Variants in SNTB1 observed in about 807,000 individuals in gnomAD.
SNTB1 encodes the protein beta-1-syntrophin.
In SNTB1, 36 loss-of-function variants were observed where a neutral mutation model predicts 48.9. That is an observed-to-expected ratio of 0.74 (90% CI 0.56 to 0.97). The LOEUF (loss-of-function observed/expected upper bound fraction) is 0.97. SNTB1 is among the 50% of genes least tolerant of loss of function. SNTB1 has a pLI of 0.00. For missense variants in SNTB1, 786 were observed against 703.4 expected (o/e 1.12, Z -1.33); for synonymous variants, 299 against 294.6 (o/e 1.01, Z -0.15).
At position 120,536,249 on chromosome 8, in the gene SNTB1, A is replaced by C. The variant is rs1815201349; in HGVS notation, c.*2628T>G. The C allele has an allele frequency of 6.6e-6, 1 of 152,230 alleles. No individual in the cohort carries two copies. The highest frequency in any genetic ancestry group is 2.4e-5 in the African/African-American group (1 of 41,468). 9.4% of individuals were successfully genotyped at this position (152,230 alleles called of 1,614,324 possible). On this transcript the variant is annotated 3_prime_UTR_variant, in exon 7 of 7. Transcript: ENST00000517992. ...TCTACTGACAAATAGGCAACTTCCC[A>C]TAAAGTACAGATTAAAACATCATTC...
At chr8:120,588,806 C>G (rs536590747) in intron 3 of SNTB1, among the ~76,000 whole-genome samples, 1 of 152,138 alleles carries the variant, frequency 6.6e-6, no homozygotes, top group African/African-American at 2.4e-5. Context: ...GAATGAGTGG[C>G]GCTGCCAGTT....
chr8:120,714,180 A>C (rs890579541), intron 1 of SNTB1, among the ~76,000 whole-genome samples: 2 of 152,336 alleles, frequency 1.3e-5, no homozygotes, highest in African/African-American at 4.8e-5. Flanking sequence ...ACAGACACCA[A>C]GAGTGCCTTC....
intron 3 of SNTB1, among the ~76,000 whole-genome samples, chr8:120,602,772 T>C (rs1005192879): frequency 4.0e-5 from 6 of 151,162 alleles, no homozygotes; most frequent in Non-Finnish European, 8.8e-5. Context: ...TTGCAATCTA[T>C]TAAATTAATT....
intron 1 of SNTB1, among the ~76,000 whole-genome samples, chr8:120,743,923 G>A (rs1215589344): frequency 6.6e-6 from 1 of 152,198 alleles, no homozygotes; most frequent in Non-Finnish European, 1.5e-5. Flanking sequence ...GAAGCCAGGA[G>A]TTCAAGACCA....
At chr8:120,544,817 T>G (rs115062625) in intron 5 of SNTB1, among the ~76,000 whole-genome samples, 6,176 of 147,852 alleles carry the variant, frequency 0.042, 262 homozygotes, top group African/African-American at 0.11. Context: ...TTTTTGCCAT[T>G]CAGAGTAGGC....
At chr8:120,605,424 CA>C (rs1280008610) in intron 3 of SNTB1, among the ~76,000 whole-genome samples, 1 of 152,148 alleles carries the variant, frequency 6.6e-6, no homozygotes, top group African/African-American at 2.4e-5. Flanking sequence ...GTGATATTAC[CA>C]CGTCTAACTG....
chr8:120,548,862 A>T lies in SNTB1; in HGVS notation c.1233T>A (p.His411Gln). 1 of 1,613,980 alleles carries T rather than the reference A, an allele frequency of 6.2e-7. No homozygotes were observed. The highest frequency in any genetic ancestry group is 8.5e-7 in the Non-Finnish European group (1 of 1,179,980). Residue 411 changes from histidine to glutamine, a missense_variant, in exon 5 of 7, where the codon CAT becomes CAA. Transcript: ENST00000517992. ...CCCTGCTGGTCTCTGCTCTGAAGAG[A>T]TGTGTTTCAATCCCTTGCCTGGTAC... ...RTGTRQGIET[H>Q]LFRAETSRDL... is the part of the protein sequence containing the mutation.
At chr8:120,753,909 G>A (rs1049024544) in intron 1 of SNTB1, among the ~76,000 whole-genome samples, 7 of 152,226 alleles carry the variant, frequency 4.6e-5, no homozygotes, top group South Asian at 4.1e-4. Flanking sequence ...AGATAGGAGC[G>A]AATTATTCTA....
chr8:120,555,083 A>G (rs1193110884), intron 4 of SNTB1, among the ~76,000 whole-genome samples: 1 of 152,218 alleles, frequency 6.6e-6, no homozygotes, highest in African/African-American at 2.4e-5. Flanking sequence ...CATAAGATGC[A>G]TATGTCAAAG....
intron 4 of SNTB1, among the ~76,000 whole-genome samples, chr8:120,564,544 C>T (rs184761848): frequency 0.011 from 1,566 of 143,738 alleles, 15 homozygotes; most frequent in Non-Finnish European, 0.016. Context: ...AACTGCCCTG[C>T]AATAGATACT....
intron 3 of SNTB1, among the ~76,000 whole-genome samples, chr8:120,587,296 G>A (rs1156809177): frequency 1.3e-5 from 2 of 152,130 alleles, no homozygotes; most frequent in African/African-American, 2.4e-5. Context: ...AATGTTTTAT[G>A]GGAGGAAATT....
intron 4 of SNTB1, among the ~76,000 whole-genome samples, chr8:120,549,184 C>T (rs1815437726): frequency 6.6e-6 from 1 of 152,188 alleles, no homozygotes; most frequent in African/African-American, 2.4e-5. Flanking sequence ...AATAACATGA[C>T]TTTAATTTGT....
At chr8:120,580,463 A>T (rs1326688082) in intron 3 of SNTB1, among the ~76,000 whole-genome samples, 1 of 152,144 alleles carries the variant, frequency 6.6e-6, no homozygotes, top group Non-Finnish European at 1.5e-5. Context: ...TTCCTACATG[A>T]TGGGTACTCA....
At chr8:120,732,301 A>C (rs991955338) in intron 1 of SNTB1, among the ~76,000 whole-genome samples, 1 of 152,214 alleles carries the variant, frequency 6.6e-6, no homozygotes, top group African/African-American at 2.4e-5. Context: ...TATGATTAAA[A>C]TAAAGTGAAG....
intron 3 of SNTB1, among the ~76,000 whole-genome samples, chr8:120,588,695 A>T (rs1167248825): frequency 6.6e-6 from 1 of 152,212 alleles, no homozygotes; most frequent in Non-Finnish European, 1.5e-5. Context: ...CATCTGTAAA[A>T]TGGGGATATT....
intron 3 of SNTB1, among the ~76,000 whole-genome samples, chr8:120,602,824 A>C (rs1168087950): frequency 6.6e-6 from 1 of 151,164 alleles, no homozygotes; most frequent in Non-Finnish European, 1.5e-5. Context: ...AAAAGCATTT[A>C]AAAGTCATTT....
At chr8:120,803,902 G>A (rs1192706833) in intron 1 of SNTB1, among the ~76,000 whole-genome samples, 1 of 152,104 alleles carries the variant, frequency 6.6e-6, no homozygotes, top group African/African-American at 2.4e-5. Context: ...AAAGAAAGGT[G>A]GTTATGAATA....
intron 3 of SNTB1, among the ~76,000 whole-genome samples, chr8:120,595,082 T>C (rs1356452033): frequency 6.6e-6 from 1 of 152,114 alleles, no homozygotes; most frequent in Non-Finnish European, 1.5e-5. Flanking sequence ...TTGGTCCTCC[T>C]TGAGGCTTGA....
intron 1 of SNTB1, among the ~76,000 whole-genome samples, chr8:120,798,611 C>T (rs1198145037): frequency 6.6e-6 from 1 of 152,074 alleles, no homozygotes; most frequent in Non-Finnish European, 1.5e-5. Flanking sequence ...AATCTACTCA[C>T]AGGAACTGTG....
Sources: allele counts gnomAD v4.1 joint callset (sites outside exome capture counted in the v4.1 genomes callset), GRCh38; gene constraint gnomAD v4.1.1; transcripts MANE v1.5; gene names NCBI Gene and HGNC (gene_info 2026-07-23, HGNC 2026-07-21).